Variants in IL15 observed in about 807,000 individuals in gnomAD.
The protein encoded by IL15 is interleukin-15.
In IL15, 11 loss-of-function variants were observed where a neutral mutation model predicts 19.6. That is an observed-to-expected ratio of 0.56 (90% confidence interval 0.35 to 0.93). IL15 has a LOEUF of 0.93. Among genes scored for constraint, IL15 ranks in the 40% least tolerant of loss-of-function variants. The pLI is 0.01. For synonymous variants in IL15, 58 were observed against 59.6 expected (o/e 0.97, Z 0.12); for missense variants, 197 against 186.5 (o/e 1.06, Z -0.33).
chr4:141,686,408 A>G (rs1324053004), intron 2 of IL15, among the ~76,000 whole-genome samples: 1 of 152,248 alleles, frequency 6.6e-6, no homozygotes, highest in African/African-American at 2.4e-5. Context: ...CATCAAAATA[A>G]TAAATTTCCT....
chr4:141,682,195 A>G (rs1728556154), intron 2 of IL15, among the ~76,000 whole-genome samples: 1 of 152,224 alleles, frequency 6.6e-6, no homozygotes, highest in Admixed American at 6.5e-5. Context: ...TAACAAGGTA[A>G]GTATAACCAT....
At chr4:141,702,969 AG>A (rs1729370669) in intron 2 of IL15, among the ~76,000 whole-genome samples, 1 of 152,196 alleles carries the variant, frequency 6.6e-6, no homozygotes, top group African/African-American at 2.4e-5. Flanking sequence ...GCAGGCCACT[AG>A]GGTAATGATC....
At chr4:141,704,938 C>T (rs1729456794) in intron 2 of IL15, among the ~76,000 whole-genome samples, 1 of 151,134 alleles carries the variant, frequency 6.6e-6, no homozygotes, top group South Asian at 2.1e-4. Context: ...TCTCATTTTT[C>T]ATCTCTTATT....
intron 1 of IL15, among the ~76,000 whole-genome samples, chr4:141,638,424 A>C (rs1421013345): frequency 6.6e-6 from 1 of 152,148 alleles, no homozygotes; most frequent in South Asian, 2.1e-4. Context: ...TCAGTTGACC[A>C]TTGGTCTGGA....
At chr4:141,660,498 A>G (rs907034145) in intron 2 of IL15, among the ~76,000 whole-genome samples, 27 of 152,212 alleles carry the variant, frequency 1.8e-4, no homozygotes, top group African/African-American at 6.5e-4. Flanking sequence ...AGTGAAAACT[A>G]CAGAAAAGTT....
intron 2 of IL15, among the ~76,000 whole-genome samples, chr4:141,711,467 G>A (rs1313862597): frequency 6.6e-6 from 1 of 152,004 alleles, no homozygotes; most frequent in Non-Finnish European, 1.5e-5. Context: ...GTGAGAATAA[G>A]GACAATCTGT....
intron 2 of IL15, among the ~76,000 whole-genome samples, chr4:141,669,402 G>A (rs1045422758): frequency 2.6e-5 from 4 of 152,126 alleles, no homozygotes; most frequent in South Asian, 4.1e-4. Flanking sequence ...GTGAGACAGC[G>A]ATTGTATTTA....
chr4:141,726,145 G>C (rs1262245639), intron 5 of IL15, among the ~76,000 whole-genome samples: 1 of 152,058 alleles, frequency 6.6e-6, no homozygotes, highest in Non-Finnish European at 1.5e-5. Context: ...TGGGGATTAA[G>C]TTTCAATCTG....
intron 2 of IL15, among the ~76,000 whole-genome samples, chr4:141,702,254 A>G (rs1291176746): frequency 6.6e-6 from 1 of 152,128 alleles, no homozygotes; most frequent in Non-Finnish European, 1.5e-5. Context: ...TTCTCTTGAT[A>G]TGGTGTTCTC....
intron 2 of IL15, among the ~76,000 whole-genome samples, chr4:141,686,469 C>T (rs986071916): frequency 1.3e-5 from 2 of 152,148 alleles, no homozygotes; most frequent in Non-Finnish European, 2.9e-5. Context: ...AGTGAGACCA[C>T]ATGTTCAAAT....
chr4:141,677,233 C>G (rs1296213610), intron 2 of IL15, among the ~76,000 whole-genome samples: 2 of 152,160 alleles, frequency 1.3e-5, no homozygotes, highest in African/African-American at 2.4e-5. Flanking sequence ...ACAGCAAGAC[C>G]AACCTCTCCT....
intron 2 of IL15, among the ~76,000 whole-genome samples, chr4:141,697,192 C>T (rs762120033): frequency 3.3e-5 from 5 of 151,884 alleles, no homozygotes; most frequent in East Asian, 3.9e-4. Context: ...TTGTATAAGG[C>T]GAGAGATGAG....
intron 2 of IL15, among the ~76,000 whole-genome samples, chr4:141,659,374 T>C (rs1010477063): frequency 4.6e-5 from 7 of 152,104 alleles, no homozygotes; most frequent in African/African-American, 1.7e-4. Flanking sequence ...AGCTAATTTT[T>C]GTATTTTTAG....
At chr4:141,664,774 C>T (rs1305843609) in intron 2 of IL15, among the ~76,000 whole-genome samples, 1 of 152,080 alleles carries the variant, frequency 6.6e-6, no homozygotes, top group Non-Finnish European at 1.5e-5. Context: ...AGTGGAGGGA[C>T]AACAAATAGG....
intron 2 of IL15, among the ~76,000 whole-genome samples, chr4:141,705,243 C>T (rs988069026): frequency 4.0e-5 from 6 of 151,822 alleles, no homozygotes. Flanking sequence ...CTCAGAGTTT[C>T]TTTCACTATG....
rs528463492 is a variant in IL15, at chr4:141,660,384, G to C, written c.-100+4077G>C. Among the ~76,000 whole-genome samples, 12 of 152,238 alleles carry C rather than the reference G, an allele frequency of 7.9e-5. No individual in the cohort carries two copies. In the East Asian group the frequency reaches 2.1e-3, roughly 27 times the overall value. On this transcript the variant is annotated intron_variant, in intron 2 of 7. Transcript: ENST00000320650. ...AGCTAGGGATGCAGCTTACAAGCTTGGGTGGCCTTGAGTCACCACTTTTAA... is the reference window on the plus strand; with the variant it reads ...AGCTAGGGATGCAGCTTACAAGCTTCGGTGGCCTTGAGTCACCACTTTTAA...
intron 5 of IL15, among the ~76,000 whole-genome samples, chr4:141,726,523 A>G (rs1320718101): frequency 1.3e-5 from 2 of 152,212 alleles, no homozygotes; most frequent in African/African-American, 4.8e-5. Context: ...CAGGCACTGT[A>G]TAAAATAGTT....
intron 2 of IL15, among the ~76,000 whole-genome samples, chr4:141,709,558 A>C (rs1729644219): frequency 6.6e-6 from 1 of 151,942 alleles, no homozygotes; most frequent in Non-Finnish European, 1.5e-5. Context: ...AATGCTACAA[A>C]ACAACGATTT....
chr4:141,729,797 A>G, intron 6 of IL15, 50 bp from the exon 7 acceptor site: 1 of 1,046,242 alleles, frequency 9.6e-7, no homozygotes, highest in Non-Finnish European at 1.5e-6. Flanking sequence ...ATCAGTATGA[A>G]AATTAATAAT....
Sources: allele counts gnomAD v4.1 joint callset (sites outside exome capture counted in the v4.1 genomes callset), GRCh38; gene constraint gnomAD v4.1.1; transcripts MANE v1.5; gene names NCBI Gene and HGNC (gene_info 2026-07-23, HGNC 2026-07-21).